The following APTX variants were observed in gnomAD, a reference collection of about 807,000 sequenced individuals.
APTX encodes the protein forkhead-associated domain histidine triad-like protein.
A neutral mutation model predicts 42.3 loss-of-function variants in APTX; 33 were observed. That is an observed-to-expected ratio of 0.78 (90% CI 0.59 to 1.04). The LOEUF is 1.04. APTX is among the 50% of genes least tolerant of loss of function. APTX has a pLI of 0.00. For missense variants in APTX, 421 were observed against 415.1 expected (o/e 1.01, Z -0.12); for synonymous variants, 130 against 146.7 (o/e 0.89, Z 0.82).
intron 1 of APTX, among the ~76,000 whole-genome samples, chr9:33,011,585 G>A (rs760489895): frequency 6.6e-6 from 1 of 152,050 alleles, no homozygotes; most frequent in African/African-American, 2.4e-5. Flanking sequence ...GCGCCCGCCC[G>A]AAGTGCCATA....
upstream of APTX, among the ~76,000 whole-genome samples, chr9:33,002,990 A>G (rs1836806937): frequency 6.6e-6 from 1 of 152,216 alleles, no homozygotes; most frequent in African/African-American, 2.4e-5. Flanking sequence ...GGAAAACACA[A>G]GCAGCATCTC....
rs1832588838 is a variant in APTX, at chr9:32,987,926, C to A, written c.181-80G>T. ...AAGATAGCCACTGCTATGTTAACCA[C>A]TTACTATATGCCAAGCACCTTGCCT... On this transcript the variant is annotated intron_variant, in intron 3 of 7. Coordinates refer to ENST00000379817, the MANE Select transcript of APTX (RefSeq NM_001195248.2). 1.9e-6 allele frequency: 3 copies of A among 1,558,900 alleles called. No homozygotes were observed. The South Asian group carries it at 3.4e-5, about 18-fold the overall frequency.
rs761257788 is a variant in APTX, at chr9:32,973,319, C to A, written c.*179G>T. The A allele has an allele frequency of 1.3e-6, 1 of 772,510 alleles. No individual in the cohort carries two copies. Among genetic ancestry groups the A allele is most frequent in the East Asian group, 2.7e-5 (1 of 36,520 alleles). 47.9% of individuals were successfully genotyped at this position (772,510 alleles called of 1,614,324 possible). A position where few individuals can be genotyped will look rare whatever the true frequency, so the allele number is the denominator to read the frequency against. On this transcript the variant is annotated 3_prime_UTR_variant, in exon 8 of 8. Transcript: ENST00000379817. ...ATACATCTATGACAAACCCAAATTC[C>A]TAATCCTGAAGTACTTTGAGCCACT...
intron 1 of APTX, among the ~76,000 whole-genome samples, chr9:33,024,540 G>T (rs1838688858): frequency 6.6e-6 from 1 of 152,104 alleles, no homozygotes; most frequent in African/African-American, 2.4e-5. Flanking sequence ...AGCCAAACTG[G>T]GTGAAAACCT....
At chr9:32,988,218 C>T (rs1038496817) in intron 2 of APTX, 89 bp from the exon 3 acceptor site, 25 of 1,186,672 alleles carry the variant, frequency 2.1e-5, no homozygotes, top group Non-Finnish European at 3.0e-5. Context: ...AGCTTCACTA[C>T]AGGCGGCAGC....
At chr9:33,020,887 T>C (rs1025372327) in intron 1 of APTX, among the ~76,000 whole-genome samples, 1 of 152,196 alleles carries the variant, frequency 6.6e-6, no homozygotes, top group Non-Finnish European at 1.5e-5. Context: ...CCCAGCACTT[T>C]GGGAGGCCGA....
chr9:33,013,577 C>A (rs946475507), intron 1 of APTX, among the ~76,000 whole-genome samples: 6 of 152,134 alleles, frequency 3.9e-5, no homozygotes, highest in Non-Finnish European at 8.8e-5. Context: ...GAGGCCAAGG[C>A]GGGCAGATCA....
At chr9:33,015,484 G>A (rs752740831) in intron 1 of APTX, among the ~76,000 whole-genome samples, 3 of 151,980 alleles carry the variant, frequency 2.0e-5, no homozygotes, top group Admixed American at 6.6e-5. Flanking sequence ...TCAGCCTCCC[G>A]AGTAGCTGGG....
rs561899841 is a variant in APTX at position 33,013,088 on chromosome 9, A to C, written c.-5+11935T>G. ...ATCAATATTTTAGTAAATCAATGTA[A>C]TGTTGATTTACTAGCTCTACTATTT... On this transcript the variant is annotated intron_variant, in intron 1 of 6. Coordinates refer to the APTX transcript ENST00000436040. Among the ~76,000 whole-genome samples, 4 of 152,334 alleles carry C rather than the reference A, an allele frequency of 2.6e-5. No homozygotes were observed. In the South Asian group the frequency reaches 8.3e-4, roughly 32 times the overall value.
chr9:32,986,236 A>C lies in APTX; in HGVS notation c.484-206T>G, dbSNP rs1301565656. 11 of 697,774 alleles carry C rather than the reference A, an allele frequency of 1.6e-5. 1 individual carries two copies. The highest frequency in any genetic ancestry group is 2.6e-5 in the Non-Finnish European group (10 of 383,288). 43.2% of individuals were successfully genotyped at this position (697,774 alleles called of 1,614,324 possible). ...CCTATATTCTCTTTTTTTTTGAGAC[A>C]AAGTCTCACTCTGTCTCACCCAAGC... is the stretch of plus-strand genomic sequence containing the variant. On this transcript the variant is annotated intron_variant, in intron 4 of 7. Coordinates refer to ENST00000379817, the MANE Select transcript of APTX (RefSeq NM_001195248.2).
At chr9:32,999,833 G>T (rs1335782926) in intron 1 of APTX, among the ~76,000 whole-genome samples, 1 of 152,142 alleles carries the variant, frequency 6.6e-6, no homozygotes, top group African/African-American at 2.4e-5. Context: ...AAAATTAGCC[G>T]GGCGTGGTGG....
At position 33,010,036 on chromosome 9, in the gene APTX, G is replaced by A. The variant is rs141483524; in HGVS notation, c.-5+14987C>T. ...TTGAACCCATTCAGTCAAGAGTCCT[G>A]GGTTGAAACTTAGAAAACTTCTCTG... On this transcript the variant is annotated intron_variant, in intron 1 of 6. Transcript: ENST00000436040. Among the ~76,000 whole-genome samples the A allele has an allele frequency of 1.2e-4, 18 of 152,234 alleles. No homozygotes were observed. In the East Asian group the frequency reaches 3.1e-3, roughly 26 times the overall value.
In APTX at chr9:32,984,678, G is replaced by A. The variant is rs769756208; in HGVS notation, c.723C>T (p.Ser241=). 8 of 1,614,158 alleles carry A rather than the reference G, an allele frequency of 5.0e-6. No homozygotes were observed. The highest frequency in any genetic ancestry group is 6.8e-6 in the Non-Finnish European group (8 of 1,180,036). The part of the protein sequence containing the change: ...GEKVIVDFAG[S]SKLRFRLGYH... ...AGCCCAATCGGAAGCGGAGTTTGCT[G>A]GACCCAGCAAAATCTACAATCACCT... The change falls in exon 6 of 8, where the codon TCC becomes TCT. Residue 241 remains serine (S), a synonymous_variant. Transcript: ENST00000379817.
rs868490110 is a variant in APTX, at chr9:33,010,161, T to C, written c.-5+14862A>G. ...CAATCTCACAATCACAGACAGGCAATAGTAGTTCCCAGAACAGGAGGGCCT... is the reference window on the plus strand; with the variant it reads ...CAATCTCACAATCACAGACAGGCAACAGTAGTTCCCAGAACAGGAGGGCCT... On this transcript the variant is annotated intron_variant, in intron 1 of 6. Transcript: ENST00000436040. Among the ~76,000 whole-genome samples the C allele has an allele frequency of 1.6e-4, 25 of 152,202 alleles. No individual in the cohort carries two copies. In the Middle Eastern group the frequency reaches 0.024, roughly 145 times the overall value.
intron 1 of APTX, among the ~76,000 whole-genome samples, chr9:33,021,960 TAAAAAAA>T (rs771015871): frequency 7.9e-6 from 1 of 126,424 alleles, no homozygotes; most frequent in African/African-American, 3.0e-5. Context: ...GCTGTTAATT[TAAAAAAA>T]AAAAAAAAAA....
chr9:33,016,379 A>G (rs545231883), intron 1 of APTX, among the ~76,000 whole-genome samples: 1 of 152,364 alleles, frequency 6.6e-6, no homozygotes, highest in South Asian at 2.1e-4. Flanking sequence ...AGCACACAGA[A>G]GATCTCAAGA....
chr9:32,994,014 C>T (rs1160625780), intron 1 of APTX, among the ~76,000 whole-genome samples: 7 of 152,164 alleles, frequency 4.6e-5, no homozygotes, highest in South Asian at 2.1e-4. Flanking sequence ...CCACCGCGCC[C>T]GGCCCAGCTC....
chr9:32,995,610 G>A (rs1834656282), intron 1 of APTX, among the ~76,000 whole-genome samples: 1 of 152,138 alleles, frequency 6.6e-6, no homozygotes, highest in Non-Finnish European at 1.5e-5. Flanking sequence ...ACAAAGGGCT[G>A]GGTGTTATGG....
chr9:33,003,205 G>A (rs117694009), upstream of APTX, among the ~76,000 whole-genome samples: 2 of 152,282 alleles, frequency 1.3e-5, no homozygotes, highest in Non-Finnish European at 2.9e-5. Flanking sequence ...ACTATATAAT[G>A]TGCAAAATTG....
Sources: allele counts gnomAD v4.1 joint callset (sites outside exome capture counted in the v4.1 genomes callset), GRCh38; gene constraint gnomAD v4.1.1; transcripts MANE v1.5; gene names NCBI Gene and HGNC (gene_info 2026-07-23, HGNC 2026-07-21).